The following NLGN1 variants were observed in gnomAD, a reference collection of about 807,000 sequenced individuals.
NLGN1 encodes neuroligin-1.
Under a neutral mutation model 65.5 loss-of-function variants are expected in NLGN1, and 12 were observed. The observed-to-expected ratio is 0.18, with a 90% CI of 0.12 to 0.30. The LOEUF (loss-of-function observed/expected upper bound fraction) is 0.30. NLGN1 is among the 10% of genes least tolerant of loss of function. The pLI, the probability that NLGN1 is intolerant of heterozygous loss-of-function variation, is 1.00. For synonymous variants in NLGN1, 350 were observed against 359.5 expected (o/e 0.97, Z 0.30); for missense variants, 750 against 1,007.1 (o/e 0.74, Z 3.46).
intron 4 of NLGN1, among the ~76,000 whole-genome samples, chr3:174,252,991 C>T (rs193185568): frequency 1.1e-4 from 17 of 152,098 alleles, no homozygotes; most frequent in Admixed American, 2.0e-4. Context: ...TTAAAAGATT[C>T]CTTTATGTTC....
At position 173,689,713 on chromosome 3, in the gene NLGN1, C is replaced by T. The variant is rs140207439; in HGVS notation, c.493+84622C>T. On this transcript the variant is annotated intron_variant, in intron 3 of 6. Transcript: ENST00000457714. Reference sequence around the variant, plus strand: ...GAATTATTTTTCATTCTATCTGTAACGAATCCAGATCCTCCCACTCTACCT... The same window carrying T: ...GAATTATTTTTCATTCTATCTGTAATGAATCCAGATCCTCCCACTCTACCT... 4.3e-3 allele frequency among the ~76,000 whole-genome samples: 658 copies of T among 152,204 alleles called. 3 individuals carry two copies. Among genetic ancestry groups the T allele is most frequent in the Non-Finnish European group, 6.8e-3 (465 of 68,010 alleles).
intron 4 of NLGN1, among the ~76,000 whole-genome samples, chr3:173,902,499 C>T (rs189322908): frequency 7.9e-5 from 12 of 152,172 alleles, no homozygotes; most frequent in Non-Finnish European, 1.5e-4. Context: ...GTTATTCTTA[C>T]GTAGAGTTTC....
intron 4 of NLGN1, among the ~76,000 whole-genome samples, chr3:174,014,497 C>T (rs1726159068): frequency 6.6e-6 from 1 of 152,114 alleles, no homozygotes. Context: ...AAAGAATCAC[C>T]CACCCTCAAT....
chr3:173,986,784 C>T (rs777934902), intron 4 of NLGN1, among the ~76,000 whole-genome samples: 1 of 152,200 alleles, frequency 6.6e-6, no homozygotes, highest in Non-Finnish European at 1.5e-5. Flanking sequence ...TAAATTCCTC[C>T]TTCCAGACTA....
At chr3:173,795,863 A>G (rs1713941436) in intron 3 of NLGN1, among the ~76,000 whole-genome samples, 1 of 152,124 alleles carries the variant, frequency 6.6e-6, no homozygotes, top group Admixed American at 6.6e-5. Context: ...CTCATTTTGT[A>G]AAAATGGCCT....
At chr3:173,760,990 GC>G in intron 3 of NLGN1, among the ~76,000 whole-genome samples, 1 of 151,940 alleles carries the variant, frequency 6.6e-6, no homozygotes, top group East Asian at 1.9e-4. Context: ...TTAACTCTGG[GC>G]CTATAACAAT....
intron 4 of NLGN1, among the ~76,000 whole-genome samples, chr3:174,063,978 C>T (rs1470477452): frequency 2.0e-5 from 3 of 152,030 alleles, no homozygotes; most frequent in African/African-American, 2.4e-5. Context: ...CCCATCTCTA[C>T]TAAAAATACA....
In NLGN1 at chr3:173,781,144, C is replaced by CAA. The variant is rs769716428; in HGVS notation, c.494-26525_494-26524dup. 2.1e-4 allele frequency among the ~76,000 whole-genome samples: 17 copies of CAA among 80,386 alleles called. 1 individual carries two copies. The highest frequency in any genetic ancestry group is 3.2e-4 in the Non-Finnish European group (14 of 43,966). 52.7% of individuals were successfully genotyped at this position (80,386 alleles called of 152,430 possible). On this transcript the variant is annotated intron_variant, in intron 3 of 6. Coordinates refer to ENST00000457714, the Ensembl canonical transcript of NLGN1. Reference sequence around the variant, plus strand: ...TGGGCTACAGAGCGAGACTCCGTCTCAAAAAAAAAAAAGTAAATATTGAAG... The same window carrying CAA: ...TGGGCTACAGAGCGAGACTCCGTCTCAAAAAAAAAAAAAAGTAAATATTGAAG...
intron 2 of NLGN1, among the ~76,000 whole-genome samples, chr3:173,447,140 A>G (rs1283900307): frequency 2.0e-5 from 3 of 152,192 alleles, no homozygotes; most frequent in African/African-American, 4.8e-5. Flanking sequence ...GTCCTTGCCC[A>G]TGCCTATGTC....
At chr3:173,842,831 G>A (rs937694595) in intron 4 of NLGN1, among the ~76,000 whole-genome samples, 2 of 152,162 alleles carry the variant, frequency 1.3e-5, no homozygotes, top group African/African-American at 4.8e-5. Flanking sequence ...CTATTCTGGA[G>A]TCTGGAGGAT....
chr3:173,686,684 G>A (rs1764724916), intron 3 of NLGN1, among the ~76,000 whole-genome samples: 1 of 152,170 alleles, frequency 6.6e-6, no homozygotes, highest in Non-Finnish European at 1.5e-5. Flanking sequence ...GCTGGGTGCA[G>A]TGGCTCACAC....
chr3:173,449,011 C>T (rs1365606819), intron 2 of NLGN1, among the ~76,000 whole-genome samples: 6 of 152,046 alleles, frequency 3.9e-5, no homozygotes, highest in Admixed American at 1.3e-4. Flanking sequence ...TTCAAAAAAC[C>T]GGCTCCTGGA....
chr3:173,875,625 TTATTTTTAAATGAGAAAA>T (rs1428992550), intron 4 of NLGN1, among the ~76,000 whole-genome samples: 3 of 152,340 alleles, frequency 2.0e-5, no homozygotes, highest in Admixed American at 2.0e-4. Context: ...AAAAGTACCA[TTATTTTTAAATGAGAAAA>T]TATTATGATT....
chr3:174,046,734 A>C (rs1265240418), intron 4 of NLGN1, among the ~76,000 whole-genome samples: 1 of 152,094 alleles, frequency 6.6e-6, no homozygotes. Flanking sequence ...AAAATTAAGA[A>C]GAGGATCAAA....
the NLGN1 span, among the ~76,000 whole-genome samples, chr3:174,293,059 G>T: frequency 6.6e-6 from 1 of 151,522 alleles, no homozygotes; most frequent in Non-Finnish European, 1.5e-5. Context: ...GAGAAAATAT[G>T]TAGATTTTTA....
chr3:173,722,776 T>C (rs1771073043), intron 3 of NLGN1, among the ~76,000 whole-genome samples: 1 of 152,196 alleles, frequency 6.6e-6, no homozygotes, highest in African/African-American at 2.4e-5. Flanking sequence ...AATGTTAATA[T>C]CATAAGGTTG....
rs549262728 is a variant in NLGN1 at position 173,894,140 on chromosome 3, A to T, written c.646+86308A>T. ...GGTATTGACTTCCATTATAGCACTT[A>T]TCACAGGGTGTTACAATTATTATTA... On this transcript the variant is annotated intron_variant, in intron 4 of 6. Transcript: ENST00000457714. Among the ~76,000 whole-genome samples, 3 of 152,224 alleles carry T rather than the reference A, an allele frequency of 2.0e-5. No individual in the cohort carries two copies. The South Asian group carries it at 6.2e-4, about 32-fold the overall frequency.
chr3:173,593,937 T>C (rs1748994659), intron 2 of NLGN1, among the ~76,000 whole-genome samples: 1 of 152,132 alleles, frequency 6.6e-6, no homozygotes, highest in Admixed American at 6.5e-5. Context: ...TTCACTACCA[T>C]GAGAACAGTA....
chr3:174,092,088 A>G (rs553075971), intron 4 of NLGN1, among the ~76,000 whole-genome samples: 1 of 152,174 alleles, frequency 6.6e-6, no homozygotes, highest in Non-Finnish European at 1.5e-5. Context: ...AGAGATAAAT[A>G]AAAGGAATAT....
Sources: gnomAD v4.1 joint callset for allele counts (sites outside exome capture counted in the v4.1 genomes callset) on GRCh38, gnomAD v4.1.1 for gene constraint, MANE v1.5 for transcripts, NCBI Gene and HGNC (gene_info 2026-07-23, HGNC 2026-07-21) for gene names.